DMD: variants seen among roughly 807,000 people sequenced by gnomAD.
DMD encodes the protein dystrophin, also known as mutant dystrophin.
DMD carries 63 observed loss-of-function variants against 330.1 expected under a neutral mutation model. The ratio of observed to expected loss-of-function variants is 0.19; its 90% CI spans 0.16 to 0.24. DMD has a LOEUF of 0.24. Among genes scored for constraint, DMD ranks in the 10% least tolerant of loss-of-function variants. DMD has a pLI of 1.00. For synonymous variants in DMD, 1,223 were observed against 959.8 expected (o/e 1.27, Z -5.07); for missense variants, 3,344 against 2,684.1 (o/e 1.25, Z -5.43).
At chrX:31,261,380 G>A (rs1025140899) in intron 62 of DMD, 15 of 200,767 alleles carry the variant, frequency 7.5e-5, no homozygotes, top group East Asian at 3.7e-4. Flanking sequence ...AAAGGACACC[G>A]ACAACTGATT....
chrX:32,387,735 T>A (rs2097969433), intron 32 of DMD, among the ~76,000 whole-genome samples: 1 of 111,376 alleles, frequency 9.0e-6, no homozygotes, highest in Admixed American at 9.6e-5. Context: ...TATAAAAATA[T>A]CTGTGTATCT....
intron 52 of DMD, among the ~76,000 whole-genome samples, chrX:31,695,828 A>G (rs2083425432): frequency 9.0e-6 from 1 of 111,135 alleles, no homozygotes; most frequent in Non-Finnish European, 1.9e-5. Flanking sequence ...TTCCAGTTAG[A>G]CAGGAGGAAT....
intron 62 of DMD, among the ~76,000 whole-genome samples, chrX:31,276,046 A>G (rs896989499): frequency 4.5e-5 from 5 of 111,983 alleles, no homozygotes; most frequent in South Asian, 3.7e-4. Flanking sequence ...AAAATTTAGA[A>G]CACAGATTTG....
intron 2 of DMD, among the ~76,000 whole-genome samples, chrX:32,915,720 TATTCTC>T (rs1469122768): frequency 1.8e-5 from 2 of 112,241 alleles, no homozygotes; most frequent in African/African-American, 6.5e-5. Context: ...TAAGTCTTCT[TATTCTC>T]ATTTCATGGA....
chrX:32,566,597 G>A lies in DMD; in HGVS notation c.1813-716C>T, dbSNP rs185820965. 3.3e-3 allele frequency among the ~76,000 whole-genome samples: 375 copies of A among 112,319 alleles called. 1 individual carries two copies. Among genetic ancestry groups the A allele is most frequent in the African/African-American group, 0.011 (347 of 30,929 alleles). Reference sequence around the variant, plus strand: ...ATAAATGCTTCAGCATCTCTTTTCAGAGTTTATAAATACTTATGTGTCTTA... The same window carrying A: ...ATAAATGCTTCAGCATCTCTTTTCAAAGTTTATAAATACTTATGTGTCTTA... On this transcript the variant is annotated intron_variant, in intron 15 of 78. Transcript: ENST00000357033.
At chrX:31,249,891 G>GTTACT (rs1384506438) in intron 63 of DMD, among the ~76,000 whole-genome samples, 1 of 111,035 alleles carries the variant, frequency 9.0e-6, no homozygotes, top group East Asian at 2.8e-4. Flanking sequence ...TACTACATCA[G>GTTACT]ACATTCTGTT....
chrX:32,084,447 C>T (rs1187198637), intron 44 of DMD, among the ~76,000 whole-genome samples: 1 of 111,427 alleles, frequency 9.0e-6, no homozygotes, highest in Non-Finnish European at 1.9e-5. Flanking sequence ...TTTATTAAAC[C>T]ATCAAGTCAA....
intron 60 of DMD, among the ~76,000 whole-genome samples, chrX:31,434,412 G>GCA (rs1569541913): frequency 1.5e-4 from 10 of 67,113 alleles, no homozygotes; most frequent in South Asian, 8.5e-4. Context: ...TTACTGCAGC[G>GCA]CGCGCGCACA....
At chrX:32,278,651 C>T (rs2148399166) in intron 43 of DMD, among the ~76,000 whole-genome samples, 1 of 111,873 alleles carries the variant, frequency 8.9e-6, no homozygotes, top group Admixed American at 9.5e-5. Context: ...CACTGGCCAT[C>T]AGAGAACTGC....
chrX:32,912,251 A>G (rs770230918), intron 2 of DMD, among the ~76,000 whole-genome samples: 1 of 110,907 alleles, frequency 9.0e-6, no homozygotes, highest in Non-Finnish European at 1.9e-5. Flanking sequence ...CTGAAACACA[A>G]AGAGAGGAAG....
At chrX:32,586,317 A>AATAT (rs1569254716) in intron 13 of DMD, among the ~76,000 whole-genome samples, 1 of 109,128 alleles carries the variant, frequency 9.2e-6, no homozygotes, top group African/African-American at 3.3e-5. Context: ...GACAGGTGTT[A>AATAT]ATATATATAT....
rs190248127 is a variant in DMD, at chrX:32,648,225, A to C, written c.961-3073T>G. 3.6e-5 allele frequency among the ~76,000 whole-genome samples: 4 copies of C among 112,138 alleles called. No homozygotes were observed. In the East Asian group the frequency reaches 1.1e-3, roughly 31 times the overall value. On this transcript the variant is annotated intron_variant, in intron 9 of 78. Transcript: ENST00000357033. ...GTCTGAGGATGTGCATAAAACAAAAACATTTCAAAGACAGCCTTCTTAAAG... is the reference window on the plus strand; with the variant it reads ...GTCTGAGGATGTGCATAAAACAAAACCATTTCAAAGACAGCCTTCTTAAAG...
intron 16 of DMD, among the ~76,000 whole-genome samples, chrX:32,551,212 A>G (rs2049517834): frequency 9.0e-6 from 1 of 111,338 alleles, no homozygotes; most frequent in African/African-American, 3.3e-5. Flanking sequence ...AATGTCCCTA[A>G]TGAACATAGA....
At chrX:32,820,490 G>C (rs1001806278) in intron 5 of DMD, among the ~76,000 whole-genome samples, 2 of 112,042 alleles carry the variant, frequency 1.8e-5, no homozygotes, top group East Asian at 2.8e-4. Flanking sequence ...TTGCAAGCAA[G>C]TGAAGAAATT....
At position 31,989,301 on chromosome X, in the gene DMD, A is replaced by T. The variant is rs147662297; in HGVS notation, c.6439-20787T>A. On this transcript the variant is annotated intron_variant, in intron 44 of 78. Transcript: ENST00000357033. ...GCCAAGTTGACACATGAAATTAACCATCACAGAAATTAAGTAATTTGTTGA... is the reference window on the plus strand; with the variant it reads ...GCCAAGTTGACACATGAAATTAACCTTCACAGAAATTAAGTAATTTGTTGA... 3.2e-3 allele frequency among the ~76,000 whole-genome samples: 363 copies of T among 112,385 alleles called. 2 individuals are homozygous for T. Among genetic ancestry groups the T allele is most frequent in the African/African-American group, 0.011 (348 of 30,971 alleles).
intron 1 of DMD, among the ~76,000 whole-genome samples, chrX:33,109,851 A>G (rs1434741427): frequency 1.8e-5 from 2 of 111,881 alleles, no homozygotes; most frequent in Admixed American, 9.6e-5. Flanking sequence ...ATAAAAAGCC[A>G]GAGAATAGTT....
intron 49 of DMD, among the ~76,000 whole-genome samples, chrX:31,821,600 C>T (rs1022099732): frequency 8.1e-5 from 9 of 111,736 alleles, no homozygotes; most frequent in African/African-American, 2.0e-4. Context: ...GGAAAACATA[C>T]GCTGGGTTGT....
At chrX:32,447,508 T>A (rs909978566) in intron 27 of DMD, among the ~76,000 whole-genome samples, 3 of 111,681 alleles carry the variant, frequency 2.7e-5, no homozygotes, top group African/African-American at 9.7e-5. Context: ...GTACTTTAGC[T>A]ACAAATACAT....
chrX:33,077,643 T>C (rs756520133), intron 1 of DMD, among the ~76,000 whole-genome samples: 52 of 111,588 alleles, frequency 4.7e-4, no homozygotes, highest in Non-Finnish European at 5.6e-5. Flanking sequence ...ATTATTACTC[T>C]CATCTATAGT....
Sources: gnomAD v4.1 joint callset for allele counts (sites outside exome capture counted in the v4.1 genomes callset) on GRCh38, gnomAD v4.1.1 for gene constraint, MANE v1.5 for transcripts, NCBI Gene and HGNC (gene_info 2026-07-23, HGNC 2026-07-21) for gene names.